Variants in GSR observed in about 807,000 individuals in gnomAD.
The protein encoded by GSR is glutathione-disulfide reductase.
Under a neutral mutation model 56.5 loss-of-function variants are expected in GSR, and 48 were observed. That is an observed-to-expected ratio of 0.85 (90% CI 0.67 to 1.08). The LOEUF (loss-of-function observed/expected upper bound fraction) is 1.08, where lower values mean the gene tolerates loss of function less well. Among genes scored for constraint, GSR ranks in the 50% least tolerant of loss-of-function variants. GSR has a pLI of 0.00. For missense variants in GSR, 694 were observed against 703.3 expected (o/e 0.99, Z 0.15); for synonymous variants, 264 against 270.8 (o/e 0.97, Z 0.25).
At position 30,680,992 on chromosome 8, in the gene GSR, G is replaced by A. The variant is rs754074979; in HGVS notation, c.1331C>T (p.Ser444Leu). Residue 444 changes from serine to leucine, a missense_variant, in exon 12 of 13, where the codon TCA (serine) becomes TTA (leucine). Transcript: ENST00000221130. ...GTGATACATCGGGGTAAAGCTCGTT[G>A]AATAGGTCTTCACATTTTCTATTCC... ...KYGIENVKTY[S>L]TSFTPMYHAV... 1.2e-6 allele frequency: 2 copies of A among 1,609,192 alleles called. No homozygotes were observed. The highest frequency in any genetic ancestry group is 8.5e-7 in the Non-Finnish European group (1 of 1,175,778).
At position 30,684,193 on chromosome 8, in the gene GSR, G is replaced by C; in HGVS notation, c.1048C>G (p.Gln350Glu). ...KDLSLNKLGI[Q>E]TDDKGHIIVD... ...ATGATATGACCCTTGTCATCGGTTTGAATCCCCTAAAATTACAAAGAGATA... is the reference window on the plus strand; with the variant it reads ...ATGATATGACCCTTGTCATCGGTTTCAATCCCCTAAAATTACAAAGAGATA... The change falls in exon 10 of 13, where the codon CAA (glutamine) becomes GAA (glutamate). Residue 350 changes from glutamine to glutamate, a missense_variant. Physicochemically the swap from Gln to Glu is conservative, Grantham distance 29 (BLOSUM62 2). Transcript: ENST00000221130. The C allele has an allele frequency of 6.3e-7, 1 of 1,581,192 alleles. No individual in the cohort carries two copies. Among genetic ancestry groups the C allele is most frequent in the Non-Finnish European group, 8.7e-7 (1 of 1,149,862 alleles).
intron 9 of GSR, among the ~76,000 whole-genome samples, chr8:30,686,814 G>C (rs913567829): frequency 6.6e-6 from 1 of 151,100 alleles, no homozygotes; most frequent in Non-Finnish European, 1.5e-5. Context: ...TTTTGTTGTT[G>C]TTGTTTTCTT....
chr8:30,707,589 C>G (rs892389090), intron 4 of GSR, among the ~76,000 whole-genome samples: 1 of 152,060 alleles, frequency 6.6e-6, no homozygotes, highest in African/African-American at 2.4e-5. Flanking sequence ...GAGCCCAGGA[C>G]TTGGAGGCTA....
At chr8:30,722,027 AG>A (rs1007001390) in intron 1 of GSR, among the ~76,000 whole-genome samples, 1 of 151,980 alleles carries the variant, frequency 6.6e-6, no homozygotes, top group Non-Finnish European at 1.5e-5. Flanking sequence ...AAAAAAAAAA[AG>A]CATTCTCTGT....
chr8:30,696,345 A>T, intron 7 of GSR, 35 bp downstream of exon 7: 1 of 1,337,366 alleles, frequency 7.5e-7, no homozygotes, highest in South Asian at 1.2e-5. Context: ...TTAAATTAAC[A>T]TCAAGAAAAG....
In GSR at chr8:30,700,077, T is replaced by C. The variant is rs1355148414; in HGVS notation, c.695+4A>G. On this transcript the variant is annotated splice_donor_region_variant and intron_variant, in intron 6 of 12. Coordinates refer to ENST00000221130, the MANE Select transcript of GSR (RefSeq NM_000637.5). ...GTCACTGAGGTCAGGTCAGGTTGGC[T>C]TACCCGGGCAATTCTTCCAGCTGAA... 1 of 1,610,968 alleles carries C rather than the reference T, an allele frequency of 6.2e-7. No homozygotes were observed. The highest frequency in any genetic ancestry group is 1.3e-5 in the African/African-American group (1 of 74,986).
chr8:30,726,281 C>A (rs1287946179), intron 1 of GSR, among the ~76,000 whole-genome samples: 1 of 152,170 alleles, frequency 6.6e-6, no homozygotes, highest in African/African-American at 2.4e-5. Context: ...AAGAGACACA[C>A]AAACACAGAA....
In GSR at chr8:30,712,091, G is replaced by T; in HGVS notation, c.307-3C>A. The T allele has an allele frequency of 1.4e-6, 2 of 1,419,864 alleles. No individual in the cohort carries two copies. Among genetic ancestry groups the T allele is most frequent in the Non-Finnish European group, 2.0e-6 (2 of 1,020,222 alleles). The allele number at this position is 1,419,864 out of a possible 1,614,324, so 88.0% of individuals were successfully genotyped here. On this transcript the variant is annotated splice_polypyrimidine_tract_variant and splice_region_variant and intron_variant, in intron 1 of 12. Coordinates refer to ENST00000221130, the MANE Select transcript of GSR (RefSeq NM_000637.5). ...TTGGGTACACATCCAACATTCACCT[G>T]GAAAAAAAAAAAAGAGACACACTTT...
At chr8:30,699,529 C>T (rs899589151) in intron 6 of GSR, among the ~76,000 whole-genome samples, 9 of 152,020 alleles carry the variant, frequency 5.9e-5, no homozygotes, top group Admixed American at 5.3e-4. Context: ...ACTGCAACTC[C>T]GCCTTGAGAA....
intron 6 of GSR, among the ~76,000 whole-genome samples, chr8:30,697,906 G>T (rs1171086802): frequency 1.3e-5 from 2 of 152,054 alleles, no homozygotes; most frequent in African/African-American, 2.4e-5. Context: ...GCCTAGGCTG[G>T]TTTCAAACTC....
intron 2 of GSR, among the ~76,000 whole-genome samples, chr8:30,710,646 G>A (rs1804097920): frequency 6.8e-6 from 1 of 146,866 alleles, no homozygotes; most frequent in Non-Finnish European, 1.5e-5. Flanking sequence ...GAACCTGGGA[G>A]GTGGAGATTG....
Position 30,700,064 on chromosome 8 carries a change from A to C in GSR, c.695+17T>G. 1 of 1,592,206 alleles carries C rather than the reference A, an allele frequency of 6.3e-7. No individual in the cohort carries two copies. Among genetic ancestry groups the C allele is most frequent in the East Asian group, 2.2e-5 (1 of 44,778 alleles). On this transcript the variant is annotated intron_variant, in intron 6 of 12. Transcript: ENST00000221130. ...TAAGGAAGAATGAGTCACTGAGGTC[A>C]GGTCAGGTTGGCTTACCCGGGCAAT...
intron 10 of GSR, among the ~76,000 whole-genome samples, chr8:30,682,890 C>T (rs886132613): frequency 6.6e-6 from 1 of 151,686 alleles, no homozygotes; most frequent in Non-Finnish European, 1.5e-5. Flanking sequence ...AGCAGTGGCG[C>T]CATCTCAGCT....
At chr8:30,697,730 T>C (rs1803597976) in intron 6 of GSR, among the ~76,000 whole-genome samples, 1 of 152,206 alleles carries the variant, frequency 6.6e-6, no homozygotes, top group Non-Finnish European at 1.5e-5. Flanking sequence ...AGGAAAAAAC[T>C]CTGTGCAGAG....
chr8:30,698,228 C>T (rs1202269609), intron 6 of GSR, among the ~76,000 whole-genome samples: 1 of 152,174 alleles, frequency 6.6e-6, no homozygotes, highest in Non-Finnish European at 1.5e-5. Context: ...AATCACGTAT[C>T]AATCGTAAAT....
At position 30,680,995 on chromosome 8, in the gene GSR, T is replaced by C. The variant is rs951389588; in HGVS notation, c.1328A>G (p.Tyr443Cys). The C allele has an allele frequency of 1.9e-6, 3 of 1,609,632 alleles. No individual in the cohort carries two copies. The highest frequency in any genetic ancestry group is 2.6e-6 in the Non-Finnish European group (3 of 1,176,118). ...ATACATCGGGGTAAAGCTCGTTGAA[T>C]AGGTCTTCACATTTTCTATTCCATA... ...HKYGIENVKT[Y>C]STSFTPMYHA... Residue 443 changes from tyrosine to cysteine, a missense_variant, in exon 12 of 13, where the codon TAT (tyrosine) becomes TGT (cysteine). Coordinates refer to ENST00000221130, the MANE Select transcript of GSR (RefSeq NM_000637.5).
chr8:30,689,232 G>C lies in GSR; in HGVS notation c.970C>G (p.Pro324Ala). The change falls in exon 9 of 13, where the codon CCA becomes GCA. Residue 324 changes from proline to alanine, a missense_variant. Transcript: ENST00000221130. ...GCCCAGAGCAGGCAGTCAACATCTG[G>C]AATCATGGTCATGACTGGTAGCCTA... Reference protein sequence around the residue: ...PGRLPVMTMIPDVDCLLWAIG... With the variant: ...PGRLPVMTMIADVDCLLWAIG... 6.2e-7 allele frequency: 1 copy of C among 1,613,896 alleles called. No homozygotes were observed. The highest frequency in any genetic ancestry group is 1.7e-5 in the Admixed American group (1 of 59,994).
chr8:30,714,526 T>C (rs1456289225), intron 1 of GSR, among the ~76,000 whole-genome samples: 1 of 151,674 alleles, frequency 6.6e-6, no homozygotes, highest in African/African-American at 2.4e-5. Context: ...AAATAAAAAA[T>C]ATTTTTCTAA....
chr8:30,719,889 C>T (rs1035191501), intron 1 of GSR, among the ~76,000 whole-genome samples: 1 of 152,162 alleles, frequency 6.6e-6, no homozygotes, highest in Non-Finnish European at 1.5e-5. Flanking sequence ...TCTGCAATTG[C>T]GCCTGCCAAG....
Sources: gnomAD v4.1 joint callset for allele counts (sites outside exome capture counted in the v4.1 genomes callset) on GRCh38, gnomAD v4.1.1 for gene constraint, MANE v1.5 for transcripts, NCBI Gene and HGNC (gene_info 2026-07-23, HGNC 2026-07-21) for gene names.